Variants in TMEM135 observed in about 807,000 individuals in gnomAD.
TMEM135 encodes the protein transmembrane protein 135, also known as peroxisomal membrane protein 52.
Under a neutral mutation model 60.3 loss-of-function variants are expected in TMEM135, and 30 were observed. The ratio of observed to expected loss-of-function variants is 0.50; its 90% CI spans 0.37 to 0.68. The LOEUF is 0.68. Among genes scored for constraint, TMEM135 ranks in the 30% least tolerant of loss-of-function variants. The probability of loss-of-function intolerance (pLI) is 0.00; values close to 1 mark genes in which losing one functional copy is unlikely to be tolerated. For synonymous variants in TMEM135, 190 were observed against 186.7 expected, an observed-to-expected ratio of 1.02 and a Z score of -0.14; for missense variants, 468 against 548.8, an observed-to-expected ratio of 0.85 and a Z score of 1.47.
intron 5 of TMEM135, among the ~76,000 whole-genome samples, chr11:87,212,243 G>T (rs777142321): frequency 6.6e-6 from 1 of 151,712 alleles, no homozygotes; most frequent in Non-Finnish European, 1.5e-5. Context: ...TAGCTGTTAC[G>T]CATTTTTTTT....
chr11:87,121,036 T>C (rs1233404486), intron 4 of TMEM135: 1 of 152,186 alleles, frequency 6.6e-6, no homozygotes, highest in African/African-American at 2.4e-5. Context: ...CTGTATGATA[T>C]GGTAAATATT....
chr11:87,127,213 T>C lies in TMEM135; in HGVS notation c.397-30128T>C, dbSNP rs148313112. Among the ~76,000 whole-genome samples the C allele has an allele frequency of 3.2e-4, 48 of 152,350 alleles. No individual in the cohort carries two copies. The East Asian group carries it at 8.7e-3, about 28-fold the overall frequency. On this transcript the variant is annotated intron_variant, in intron 4 of 14. Transcript: ENST00000305494. ...AACATTTCACTTTGGTGTCTGAGGA[T>C]AATGTTTAGCATTGTGTTCAATTAG...
At chr11:87,172,206 T>C (rs1444720647) in intron 5 of TMEM135, among the ~76,000 whole-genome samples, 1 of 152,186 alleles carries the variant, frequency 6.6e-6, no homozygotes, top group Non-Finnish European at 1.5e-5. Flanking sequence ...TTTTTTAAAA[T>C]GTCCGCTGAT....
intron 4 of TMEM135, among the ~76,000 whole-genome samples, chr11:87,151,843 C>T (rs755584951): frequency 2.6e-5 from 4 of 152,132 alleles, no homozygotes; most frequent in Non-Finnish European, 4.4e-5. Context: ...GGTGGCCTAA[C>T]ATTCGCTGTG....
chr11:87,121,707 C>G (rs1937599513), intron 4 of TMEM135: 1 of 133,296 alleles, frequency 7.5e-6, no homozygotes, highest in African/African-American at 2.8e-5. Context: ...GTGATGCAAT[C>G]TTGGCTCACT....
chr11:87,129,133 AG>A (rs1377459850), intron 4 of TMEM135, among the ~76,000 whole-genome samples: 2 of 150,430 alleles, frequency 1.3e-5, no homozygotes, highest in African/African-American at 4.9e-5. Flanking sequence ...AACTTAGCAT[AG>A]GTTTGTAGTT....
chr11:87,047,475 G>C (rs990701205), intron 1 of TMEM135, among the ~76,000 whole-genome samples: 2 of 151,204 alleles, frequency 1.3e-5, no homozygotes, highest in Admixed American at 1.3e-4. Context: ...TGCGCGAGCC[G>C]AAGCAGGGCG....
intron 5 of TMEM135, among the ~76,000 whole-genome samples, chr11:87,223,361 G>A (rs906475584): frequency 5.3e-5 from 8 of 151,094 alleles, no homozygotes; most frequent in African/African-American, 1.7e-4. Context: ...TAATAGAGCC[G>A]GGGTTTCACC....
chr11:87,277,180 G>T, intron 6 of TMEM135: 1 of 200,604 alleles, frequency 5.0e-6, no homozygotes, highest in Non-Finnish European at 1.1e-5. Context: ...TGCCCAGGCT[G>T]GAGTGCAGTG....
chr11:87,299,730 T>A (rs1037383233), intron 7 of TMEM135, among the ~76,000 whole-genome samples: 6 of 152,152 alleles, frequency 3.9e-5, no homozygotes, highest in African/African-American at 1.2e-4. Context: ...TGTGCTGAAA[T>A]GTTGCAAAAG....
intron 4 of TMEM135, among the ~76,000 whole-genome samples, chr11:87,135,506 TTA>T (rs869075115): frequency 6.6e-6 from 1 of 151,636 alleles, no homozygotes; most frequent in African/African-American, 2.4e-5. Context: ...TTTTTTTTTT[TTA>T]ACGGAATTAC....
intron 1 of TMEM135, among the ~76,000 whole-genome samples, chr11:87,046,470 G>A (rs1213262591): frequency 2.0e-5 from 3 of 152,236 alleles, no homozygotes; most frequent in Admixed American, 1.3e-4. Context: ...AAATAAAGCT[G>A]TAAGATTTTA....
chr11:87,074,693 G>T (rs974771916), intron 3 of TMEM135, among the ~76,000 whole-genome samples: 1 of 152,102 alleles, frequency 6.6e-6, no homozygotes, highest in African/African-American at 2.4e-5. Flanking sequence ...CTATGTGTGT[G>T]AGCCATATGG....
chr11:87,124,052 T>C (rs1159632958), intron 4 of TMEM135, among the ~76,000 whole-genome samples: 2 of 152,230 alleles, frequency 1.3e-5, no homozygotes, highest in African/African-American at 4.8e-5. Flanking sequence ...TGACTTAACA[T>C]TGCTCCTTGC....
intron 4 of TMEM135, among the ~76,000 whole-genome samples, chr11:87,131,820 G>C (rs1937940936): frequency 6.6e-6 from 1 of 152,174 alleles, no homozygotes; most frequent in Non-Finnish European, 1.5e-5. Flanking sequence ...GTGAATGGCA[G>C]GCTAATGAGA....
intron 1 of TMEM135, among the ~76,000 whole-genome samples, chr11:87,062,269 G>A (rs1949954441): frequency 6.6e-6 from 1 of 151,958 alleles, no homozygotes. Flanking sequence ...CTCCCATAGT[G>A]CTGGGATTAC....
chr11:87,185,062 C>T (rs1191493689), intron 5 of TMEM135, among the ~76,000 whole-genome samples: 1 of 152,130 alleles, frequency 6.6e-6, no homozygotes, highest in African/African-American at 2.4e-5. Context: ...ATATCCCTAA[C>T]CACTACTACC....
chr11:87,057,121 C>T (rs1286965768), intron 1 of TMEM135, among the ~76,000 whole-genome samples: 4 of 152,064 alleles, frequency 2.6e-5, no homozygotes, highest in Admixed American at 6.6e-5. Flanking sequence ...GTATAATATA[C>T]GCAGGACTCA....
At chr11:87,113,658 A>G (rs1466724888) in intron 4 of TMEM135, among the ~76,000 whole-genome samples, 1 of 152,092 alleles carries the variant, frequency 6.6e-6, no homozygotes, top group African/African-American at 2.4e-5. Flanking sequence ...CAGTTTTCAC[A>G]CTAATTAGTG....
Sources: gnomAD v4.1 joint callset for allele counts (sites outside exome capture counted in the v4.1 genomes callset) on GRCh38, gnomAD v4.1.1 for gene constraint, MANE v1.5 for transcripts, NCBI Gene and HGNC (gene_info 2026-07-23, HGNC 2026-07-21) for gene names.